Variants in KIF27 observed in about 807,000 individuals in gnomAD.
KIF27 encodes the protein kinesin-like protein KIF27.
Under a neutral mutation model 141.8 loss-of-function variants are expected in KIF27, and 84 were observed. That is an observed-to-expected ratio of 0.59 (90% CI 0.50 to 0.71). The LOEUF is 0.71. Ranked by LOEUF, KIF27 falls within the 30% of genes least tolerant of loss-of-function variation. The pLI is 0.00. For synonymous variants in KIF27, 471 were observed against 569.5 expected (o/e 0.83, Z 2.46); for missense variants, 1,306 against 1,628.4 (o/e 0.80, Z 3.41).
At chr9:83,850,598 T>C (rs1376420863) in intron 15 of KIF27, among the ~76,000 whole-genome samples, 4 of 151,638 alleles carry the variant, frequency 2.6e-5, no homozygotes, top group Admixed American at 1.3e-4. Context: ...CTGACCAACA[T>C]AGTAAAACCC....
At chr9:83,913,595 C>A (rs551280333) in intron 2 of KIF27, among the ~76,000 whole-genome samples, 2 of 152,140 alleles carry the variant, frequency 1.3e-5, no homozygotes, top group Admixed American at 6.5e-5. Flanking sequence ...TGCCACGACG[C>A]CCAGCTAATT....
At chr9:83,889,288 A>G (rs878945891) in intron 6 of KIF27, 35 bp from the exon 7 acceptor site, 1 of 1,559,778 alleles carries the variant, frequency 6.4e-7, no homozygotes. Context: ...CAACAAAAAA[A>G]GTGATATTTT....
Position 83,850,167 on chromosome 9 carries a change from T to C in KIF27, c.3488A>G (p.Asp1163Gly). The change falls in exon 16 of 18, where the codon GAC becomes GGC. Residue 1163 changes from aspartate to glycine, a missense_variant. Transcript: ENST00000297814. ...SALDHLKLQC[D>G]RRLTLQQKEH... Reference sequence around the variant, plus strand: ...CTTTTGCTGGAGGGTCAGTCTCCGGTCACACTGCAATTTTAGATGGTCCAG... The same window carrying C: ...CTTTTGCTGGAGGGTCAGTCTCCGGCCACACTGCAATTTTAGATGGTCCAG... 1 of 1,613,862 alleles carries C rather than the reference T, an allele frequency of 6.2e-7. No individual in the cohort carries two copies.
chr9:83,879,825 C>T (rs1224962115), intron 11 of KIF27, among the ~76,000 whole-genome samples: 2 of 152,154 alleles, frequency 1.3e-5, no homozygotes, highest in African/African-American at 4.8e-5. Flanking sequence ...TAAGTTCTTC[C>T]CCAGCCCAAT....
chr9:83,854,041 A>G (rs1564303620), intron 14 of KIF27, among the ~76,000 whole-genome samples: 3 of 152,252 alleles, frequency 2.0e-5, no homozygotes. Flanking sequence ...ACACACACAC[A>G]CAACATATTA....
chr9:83,881,482 C>T (rs1197460280), intron 10 of KIF27, among the ~76,000 whole-genome samples: 3 of 152,170 alleles, frequency 2.0e-5, no homozygotes, highest in Non-Finnish European at 4.4e-5. Context: ...TAGAGCAGTG[C>T]TACTCAAAAT....
At chr9:83,885,950 T>TTG (rs1952065712) in intron 9 of KIF27, among the ~76,000 whole-genome samples, 1 of 41,754 alleles carries the variant, frequency 2.4e-5, no homozygotes, top group African/African-American at 3.2e-4. Context: ...TTTTGTGTTG[T>TTG]TTTTTTTTTT....
chr9:83,884,537 AC>A (rs1465159363), intron 9 of KIF27, among the ~76,000 whole-genome samples: 1 of 152,218 alleles, frequency 6.6e-6, no homozygotes, highest in African/African-American at 2.4e-5. Flanking sequence ...CTATTGTTTT[AC>A]TTTGCTTAAA....
intron 17 of KIF27, among the ~76,000 whole-genome samples, chr9:83,839,722 G>A (rs1325831857): frequency 6.6e-6 from 1 of 152,208 alleles, no homozygotes; most frequent in East Asian, 1.9e-4. Flanking sequence ...GGAGGCCAAG[G>A]CTGGTGGATC....
chr9:83,870,141 CTCTATCTA>C (rs200694940), intron 12 of KIF27, among the ~76,000 whole-genome samples: 30 of 151,622 alleles, frequency 2.0e-4, no homozygotes, highest in African/African-American at 5.6e-4. Flanking sequence ...CTATCTATCT[CTCTATCTA>C]TCTATCTATC....
At chr9:83,897,304 CAA>C (rs1374876138) in intron 5 of KIF27, among the ~76,000 whole-genome samples, 3 of 152,200 alleles carry the variant, frequency 2.0e-5, no homozygotes, top group Middle Eastern at 3.4e-3. Flanking sequence ...AAGAAATAGA[CAA>C]GAGATTCATG....
Position 83,903,898 on chromosome 9 carries a change from G to T in KIF27, c.620C>A (p.Ser207Ter), listed in dbSNP as rs755267943. The T allele has an allele frequency of 5.0e-6, 8 of 1,613,938 alleles. No homozygotes were observed. The highest frequency in any genetic ancestry group is 6.8e-6 in the Non-Finnish European group (8 of 1,179,998). The part of the protein sequence containing the change: ...TTQMNEHSSR[S>*]HAIFTISICQ... Reference sequence around the variant, plus strand: ...AATGCTGATTGTAAAAATTGCATGTGATCTGCTGGAGTGCTCATTCATTTG... The same window carrying T: ...AATGCTGATTGTAAAAATTGCATGTTATCTGCTGGAGTGCTCATTCATTTG... The change falls in exon 4 of 18, where the codon TCA becomes TAA. Residue 207 changes from serine (S) to a stop codon, truncating the protein, a stop_gained. Coordinates refer to ENST00000297814, the MANE Select transcript of KIF27 (RefSeq NM_017576.4). LOFTEE classifies it high-confidence loss of function.
intron 13 of KIF27, among the ~76,000 whole-genome samples, chr9:83,864,772 G>C (rs1950218227): frequency 6.6e-6 from 1 of 152,186 alleles, no homozygotes; most frequent in Admixed American, 6.5e-5. Flanking sequence ...TTGACAGTGA[G>C]GTGTTAAAAG....
chr9:83,850,728 G>A (rs1948461093), intron 15 of KIF27, among the ~76,000 whole-genome samples: 1 of 150,544 alleles, frequency 6.6e-6, no homozygotes, highest in Non-Finnish European at 1.5e-5. Context: ...GTCTGCAGTG[G>A]AGCCAAGATC....
In KIF27 at chr9:83,866,948, A is replaced by AC. The variant is rs373091907; in HGVS notation, c.2934+735dup. On this transcript the variant is annotated intron_variant, in intron 13 of 17. Transcript: ENST00000297814. ...CCACAATCAATTTTATATTTTATTC[A>AC]CCCCCCCCCCAAAAAAAGAAACCCC... 8.4e-3 allele frequency among the ~76,000 whole-genome samples: 995 copies of AC among 117,958 alleles called. 3 individuals carry two copies. The highest frequency in any genetic ancestry group is 0.011 in the Non-Finnish European group (602 of 55,178). 77.4% of individuals were successfully genotyped at this position (117,958 alleles called of 152,430 possible).
chr9:83,841,468 T>C (rs1023222114), intron 17 of KIF27, among the ~76,000 whole-genome samples: 1 of 152,202 alleles, frequency 6.6e-6, no homozygotes, highest in Non-Finnish European at 1.5e-5. Flanking sequence ...CATCTTTAAG[T>C]AGTTTTCTTT....
At chr9:83,906,593 T>G (rs1007737371) in intron 3 of KIF27, among the ~76,000 whole-genome samples, 4 of 151,754 alleles carry the variant, frequency 2.6e-5, no homozygotes, top group African/African-American at 9.7e-5. Flanking sequence ...AATACAAAAA[T>G]TAGCCAGGCG....
chr9:83,839,549 G>T lies in KIF27; in HGVS notation c.3722-2064C>A, dbSNP rs370157645. ...AAACATATACACTGTAACAGAGGGA[G>T]GACCATCAAGTGACCAAGATATTTT... is the stretch of plus-strand genomic sequence containing the variant. On this transcript the variant is annotated intron_variant, in intron 17 of 17. Coordinates refer to ENST00000297814, the MANE Select transcript of KIF27 (RefSeq NM_017576.4). 5.9e-4 allele frequency among the ~76,000 whole-genome samples: 90 copies of T among 152,302 alleles called. No homozygotes were observed. In the East Asian group the frequency reaches 0.016, roughly 27 times the overall value.
chr9:83,845,301 C>A (rs545674627), intron 16 of KIF27, among the ~76,000 whole-genome samples: 1 of 152,318 alleles, frequency 6.6e-6, no homozygotes, highest in African/African-American at 2.4e-5. Flanking sequence ...CCTGAACTGC[C>A]TATCATGAAC....
Sources: allele counts gnomAD v4.1 joint callset (sites outside exome capture counted in the v4.1 genomes callset), GRCh38; gene constraint gnomAD v4.1.1; transcripts MANE v1.5; gene names NCBI Gene and HGNC (gene_info 2026-07-23, HGNC 2026-07-21).